Variants in SLC49A3 observed in about 807,000 individuals in gnomAD.
SLC49A3 encodes solute carrier family 49 member 3.
SLC49A3 carries 50 observed loss-of-function variants against 43.8 expected under a neutral mutation model. The ratio of observed to expected loss-of-function variants is 1.14; its 90% CI spans 0.91 to 1.45. The LOEUF is 1.45. SLC49A3 is among the 40% of genes most tolerant of loss of function. The pLI, the probability that SLC49A3 is intolerant of heterozygous loss-of-function variation, is 0.00. For synonymous variants in SLC49A3, 413 were observed against 352.0 expected, an observed-to-expected ratio of 1.17 and a Z score of -1.94; for missense variants, 906 against 774.1, an observed-to-expected ratio of 1.17 and a Z score of -2.02.
At chr4:677,238 TCCCAC>T (rs2109322217), downstream of SLC49A3, among the ~76,000 whole-genome samples, 1 of 152,220 alleles carries the variant, frequency 6.6e-6, no homozygotes, top group South Asian at 2.1e-4. Context: ...CAGACCCTCC[TCCCAC>T]CCCTTGAACC....
rs1490304330 is a variant in SLC49A3 at position 681,979 on chromosome 4, G to A, written c.1659C>T (p.Ser553=). 13 of 1,402,164 alleles carry A rather than the reference G, an allele frequency of 9.3e-6. No homozygotes were observed. The highest frequency in any genetic ancestry group is 1.2e-5 in the Non-Finnish European group (13 of 1,064,646). The allele number at this position is 1,402,164 out of a possible 1,614,324, so 86.9% of individuals were successfully genotyped here. A position where few individuals can be genotyped will look rare whatever the true frequency, so the allele number is the denominator to read the frequency against. The part of the protein sequence containing the change: ...IDPAGSHSSF[S]SPWVIT ...TCAGCTACGTGATCACCCACGGGGA[G>A]GAGAAGGAGGAGTGAGACCCAGCCG... The change falls in exon 10 of 10, where the codon TCC becomes TCT. Residue 553 remains serine (S), a synonymous_variant. Coordinates refer to ENST00000322224, the MANE Select transcript of SLC49A3 (RefSeq NM_032219.4).
chr4:678,558 G>A, downstream of SLC49A3: 2 of 1,499,580 alleles, frequency 1.3e-6, no homozygotes, highest in Non-Finnish European at 8.9e-7. Context: ...GAAGGGCTGA[G>A]GTCCACCCTT....
chr4:691,208 G>A (rs960051916), upstream of SLC49A3, among the ~76,000 whole-genome samples: 2 of 151,626 alleles, frequency 1.3e-5, no homozygotes, highest in Non-Finnish European at 2.9e-5. Flanking sequence ...TCTCGAACCC[G>A]GGAAGCAGAG....
rs1279158512 is a variant in SLC49A3, at chr4:683,378, C to T, written c.994-11G>A. ...CTGCAGCTGGGACACCTGGGAGCAG[C>T]GGAACGGCAGGCAGACAGGTGGAGG... On this transcript the variant is annotated splice_polypyrimidine_tract_variant and intron_variant, in intron 7 of 9. Coordinates refer to ENST00000322224, the MANE Select transcript of SLC49A3 (RefSeq NM_032219.4). 34 of 1,604,282 alleles carry T rather than the reference C, an allele frequency of 2.1e-5. No homozygotes were observed. Among genetic ancestry groups the T allele is most frequent in the East Asian group, 4.5e-5 (2 of 44,782 alleles).
rs991253699 is a variant in SLC49A3 at position 685,713 on chromosome 4, G to A, written c.585+122C>T. 5.8e-5 allele frequency: 60 copies of A among 1,030,770 alleles called. No homozygotes were observed. The highest frequency in any genetic ancestry group is 1.5e-4 in the Admixed American group (7 of 46,672). 63.9% of individuals were successfully genotyped at this position (1,030,770 alleles called of 1,614,324 possible). On this transcript the variant is annotated intron_variant, in intron 4 of 9. Transcript: ENST00000322224. The surrounding 1 kb of genome is among the most constrained non-coding windows in gnomAD (Gnocchi z 4.3). ...AGGCTGAGACTCCTTCTCGGGTGGCGGGGCGGGGGACGGGAATCACACACG... is the reference window on the plus strand; with the variant it reads ...AGGCTGAGACTCCTTCTCGGGTGGCAGGGCGGGGGACGGGAATCACACACG...
chr4:686,517 T>G lies in SLC49A3; in HGVS notation c.294+15A>C. 2 of 1,610,512 alleles carry G rather than the reference T, an allele frequency of 1.2e-6. No individual in the cohort carries two copies. The highest frequency in any genetic ancestry group is 1.7e-6 in the Non-Finnish European group (2 of 1,179,004). The stretch of plus-strand genomic sequence containing the variant: ...CACTGTCCCGGAGCGGGCCATGGTG[T>G]GGGGTCTGACTCACCGCCGCACGGA... On this transcript the variant is annotated intron_variant, in intron 2 of 9. Transcript: ENST00000322224.
intron 1 of SLC49A3, among the ~76,000 whole-genome samples, chr4:686,980 C>A (rs1487904989): frequency 1.3e-5 from 2 of 152,240 alleles, no homozygotes; most frequent in African/African-American, 4.8e-5. Context: ...CCTGCCCAGA[C>A]CAGACCTGGC....
chr4:686,890 G>A (rs542714379), intron 1 of SLC49A3, among the ~76,000 whole-genome samples, 200 bp from the exon 2 acceptor site: 1 of 152,342 alleles, frequency 6.6e-6, no homozygotes, highest in South Asian at 2.1e-4. Flanking sequence ...CAGGGTCAGA[G>A]AGCATGCCCT....
chr4:677,121 C>T (rs1340609523), downstream of SLC49A3, among the ~76,000 whole-genome samples: 1 of 152,220 alleles, frequency 6.6e-6, no homozygotes, highest in African/African-American at 2.4e-5. Flanking sequence ...GGCAGGTGCC[C>T]TGGGTCCTGT....
chr4:683,425 C>G, intron 7 of SLC49A3, 58 bp from the exon 8 acceptor site: 1 of 1,571,254 alleles, frequency 6.4e-7, no homozygotes, highest in South Asian at 1.2e-5. Context: ...AGAACTGGAC[C>G]TGGCTTCACG....
intron 1 of SLC49A3, among the ~76,000 whole-genome samples, chr4:687,507 A>G (rs891248111): frequency 1.1e-4 from 17 of 152,188 alleles, no homozygotes; most frequent in South Asian, 2.1e-4. Flanking sequence ...CCCCAGGCCC[A>G]GCTGGTGCCT....
Position 682,787 on chromosome 4 carries a change from A to G in SLC49A3, c.1255T>C (p.Trp419Arg). The G allele has an allele frequency of 6.3e-7, 1 of 1,584,856 alleles. No homozygotes were observed. The highest frequency in any genetic ancestry group is 1.1e-5 in the South Asian group (1 of 87,594). The change falls in exon 9 of 10, where the codon TGG (tryptophan) becomes CGG (arginine). Residue 419 changes from tryptophan to arginine, a missense_variant. Physicochemically the swap from Trp to Arg is moderately radical, Grantham distance 101 (BLOSUM62 -3). Coordinates refer to ENST00000322224, the MANE Select transcript of SLC49A3 (RefSeq NM_032219.4). ...CTCCCCATGTGAGGCTCACCTGTCC[A>G]GTCAAGTGGATCCTCCCCCTGCTGG... Reference protein sequence around the residue: ...TCQQGEDPLDWTVSLLLMAGL... With the variant: ...TCQQGEDPLDRTVSLLLMAGL...
chr4:680,912 C>A (rs552759390), downstream of SLC49A3: 215 of 723,406 alleles, frequency 3.0e-4, 1 homozygote, highest in East Asian at 1.6e-3. Context: ...GCGGCTCCCC[C>A]AGAAGTGATG....
downstream of SLC49A3, among the ~76,000 whole-genome samples, chr4:681,468 C>G (rs943628120): frequency 9.3e-5 from 14 of 150,944 alleles, no homozygotes; most frequent in African/African-American, 3.4e-4. Flanking sequence ...CTCCCAGCCC[C>G]AGCGGGCGAG....
rs539255026 is a variant in SLC49A3 at position 685,003 on chromosome 4, G to A, written c.586-147C>T. On this transcript the variant is annotated intron_variant, in intron 4 of 9. Transcript: ENST00000322224. The surrounding 1 kb of genome is among the most constrained non-coding windows in gnomAD (Gnocchi z 4.3). ...CCTCTGGTCTGCAGCTGCCCTTTGC[G>A]AGGCCCAGGCTGGGAGGGGCCTGCT... The A allele has an allele frequency of 8.7e-6, 10 of 1,150,086 alleles. No homozygotes were observed. Among genetic ancestry groups the A allele is most frequent in the East Asian group, 5.5e-5 (2 of 36,328 alleles). The allele number at this position is 1,150,086 out of a possible 1,614,324, so 71.2% of individuals were successfully genotyped here. A position where few individuals can be genotyped will look rare whatever the true frequency, so the allele number is the denominator to read the frequency against.
chr4:677,213 A>G (rs957646343), downstream of SLC49A3, among the ~76,000 whole-genome samples: 2 of 152,026 alleles, frequency 1.3e-5, no homozygotes, highest in African/African-American at 4.8e-5. Context: ...CTCCTCCTTG[A>G]TCCTGCTTGG....
chr4:683,613 G>A lies in SLC49A3; in HGVS notation c.989C>T (p.Ala330Val), dbSNP rs779700398. The A allele has an allele frequency of 2.5e-6, 4 of 1,610,438 alleles. No individual in the cohort carries two copies. Among genetic ancestry groups the A allele is most frequent in the South Asian group, 2.2e-5 (2 of 90,652 alleles). The change falls in exon 7 of 10, where the codon GCC becomes GTC. Residue 330 changes from alanine (A) to valine (V), a missense_variant. Physicochemically the swap from Ala to Val is moderately conservative, Grantham distance 64 (BLOSUM62 0). Coordinates refer to ENST00000322224, the MANE Select transcript of SLC49A3 (RefSeq NM_032219.4). ...TTGGCTTGAGGAGACCCTCACCAGG[G>A]CAAAGGGCACGCAGGCCAGAGAGAA... ...CLFSLACVPF[A>V]LVSQLQGQTL...
intron 8 of SLC49A3, 91 bp downstream of exon 8, chr4:683,117 AGG>A: frequency 6.6e-7 from 1 of 1,512,368 alleles, no homozygotes; most frequent in South Asian, 1.2e-5. Context: ...CTCCCCGAAA[AGG>A]GGCCTGGACC....
intron 2 of SLC49A3, 41 bp downstream of exon 2, chr4:686,491 G>A (rs1741064897): frequency 1.2e-6 from 2 of 1,600,680 alleles, no homozygotes; most frequent in African/African-American, 1.3e-5. Flanking sequence ...GGGGGCCCCT[G>A]CACTGTCCCG....
Sources: allele counts gnomAD v4.1 joint callset (sites outside exome capture counted in the v4.1 genomes callset), GRCh38; gene constraint gnomAD v4.1.1; non-coding constraint Gnocchi (gnomAD v3.1); transcripts MANE v1.5; gene names NCBI Gene and HGNC (gene_info 2026-07-23, HGNC 2026-07-21).